WNT7B: variants seen among roughly 807,000 people sequenced by gnomAD.
WNT7B encodes the protein Wnt family member 7B, also known as protein Wnt-7b.
In WNT7B, 19 loss-of-function variants were observed where a neutral mutation model predicts 38.2. That is an observed-to-expected ratio of 0.50 (90% CI 0.35 to 0.73). The LOEUF (loss-of-function observed/expected upper bound fraction) is 0.73. Ranked by LOEUF, WNT7B falls within the 30% of genes least tolerant of loss-of-function variation. The pLI is 0.01. For synonymous variants in WNT7B, 243 were observed against 209.3 expected (o/e 1.16, Z -1.39); for missense variants, 423 against 507.9 (o/e 0.83, Z 1.61).
chr22:45,925,278 G>A (rs1343558375), intron 3 of WNT7B: 2 of 985,266 alleles, frequency 2.0e-6, no homozygotes, highest in Non-Finnish European at 2.4e-6. Context: ...TGCCGGGTGG[G>A]CCCTAGGCTG....
intron 2 of WNT7B, among the ~76,000 whole-genome samples, chr22:45,941,467 C>T (rs1268436471): frequency 3.4e-5 from 5 of 148,414 alleles, no homozygotes; most frequent in Admixed American, 1.4e-4. Flanking sequence ...GCTGAGATCG[C>T]GTCAGTGCAC....
chr22:45,932,414 A>C (rs1284719686), intron 2 of WNT7B, among the ~76,000 whole-genome samples: 1 of 141,830 alleles, frequency 7.1e-6, no homozygotes, highest in Non-Finnish European at 1.5e-5. Context: ...CAGCCTTCCC[A>C]GACCCCCCCC....
chr22:45,954,418 C>T (rs542669663), intron 1 of WNT7B, among the ~76,000 whole-genome samples: 30 of 152,320 alleles, frequency 2.0e-4, no homozygotes, highest in African/African-American at 7.0e-4. Flanking sequence ...TTTTATTTTA[C>T]GTATTTTAAC....
intron 3 of WNT7B, among the ~76,000 whole-genome samples, chr22:45,928,102 A>C (rs1401264429): frequency 6.6e-6 from 1 of 152,160 alleles, no homozygotes; most frequent in African/African-American, 2.4e-5. Context: ...CCCAGAGCTG[A>C]GAGAGAACAG....
chr22:45,928,509 G>A (rs1396807998), intron 3 of WNT7B, among the ~76,000 whole-genome samples: 3 of 150,496 alleles, frequency 2.0e-5, no homozygotes, highest in South Asian at 2.1e-4. Context: ...CCGGCCATCC[G>A]AGACAAGGCT....
rs1569128252 is a variant in WNT7B, at chr22:45,975,361, C to T, written c.71+1323G>A. Reference sequence around the variant, plus strand: ...CCAGCAGGCTCAATGCCCCGCACCCCTCACCTCCATAAACAAACACCCAGG... The same window carrying T: ...CCAGCAGGCTCAATGCCCCGCACCCTTCACCTCCATAAACAAACACCCAGG... On this transcript the variant is annotated intron_variant, in intron 1 of 3. Transcript: ENST00000339464. The surrounding 1 kb of genome is among the most constrained non-coding windows in gnomAD (Gnocchi z 6.6). Among the ~76,000 whole-genome samples, 1 of 152,122 alleles carries T rather than the reference C, an allele frequency of 6.6e-6. No homozygotes were observed. Among genetic ancestry groups the T allele is most frequent in the Non-Finnish European group, 1.5e-5 (1 of 68,018 alleles).
chr22:45,948,560 A>G (rs923899794), intron 2 of WNT7B, among the ~76,000 whole-genome samples: 1 of 151,980 alleles, frequency 6.6e-6, no homozygotes, highest in African/African-American at 2.4e-5. Context: ...TGGGCTGGGC[A>G]CCCCTGCAAG....
chr22:45,947,428 G>T (rs1371932843), intron 2 of WNT7B, among the ~76,000 whole-genome samples: 2 of 152,256 alleles, frequency 1.3e-5, no homozygotes, highest in Admixed American at 6.5e-5. Context: ...ATGGGGAAAT[G>T]ATACCAGGTT....
At chr22:45,940,779 C>T (rs768839733) in intron 2 of WNT7B, among the ~76,000 whole-genome samples, 2 of 152,172 alleles carry the variant, frequency 1.3e-5, no homozygotes, top group Non-Finnish European at 2.9e-5. Context: ...ATGAGTGCTC[C>T]TCTCAGGAAG....
intron 1 of WNT7B, among the ~76,000 whole-genome samples, chr22:45,953,328 C>T (rs1931982549): frequency 1.3e-5 from 2 of 152,050 alleles, no homozygotes; most frequent in Non-Finnish European, 1.5e-5. Context: ...CTTCCCCTCA[C>T]AGTCACCATG....
intron 1 of WNT7B, among the ~76,000 whole-genome samples, chr22:45,957,793 G>A (rs963896148): frequency 1.3e-5 from 2 of 151,888 alleles, no homozygotes; most frequent in Non-Finnish European, 2.9e-5. Context: ...CCGCACGGGG[G>A]GTGCTAGCCC....
intron 1 of WNT7B, among the ~76,000 whole-genome samples, chr22:45,969,738 T>A (rs1214430697): frequency 6.6e-6 from 1 of 152,106 alleles, no homozygotes; most frequent in African/African-American, 2.4e-5. Flanking sequence ...GCAGTCCAGA[T>A]GAAAGGGGGA....
chr22:45,939,087 C>T (rs1163616707), intron 2 of WNT7B, among the ~76,000 whole-genome samples: 1 of 152,068 alleles, frequency 6.6e-6, no homozygotes, highest in African/African-American at 2.4e-5. Flanking sequence ...GAATAAAAGG[C>T]AAAAAAGACT....
intron 3 of WNT7B, among the ~76,000 whole-genome samples, chr22:45,927,769 G>A (rs560610427): frequency 6.6e-6 from 1 of 152,204 alleles, no homozygotes. Context: ...AGTGGCACAC[G>A]CCTGTAATCC....
At chr22:45,929,636 GCATCCACT>G (rs1410581311) in intron 3 of WNT7B, among the ~76,000 whole-genome samples, 32 of 76,806 alleles carry the variant, frequency 4.2e-4, no homozygotes, top group African/African-American at 1.5e-3. Context: ...TTCCATCCAT[GCATCCACT>G]CATCCATCCT....
At chr22:45,941,694 C>G (rs1931652410) in intron 2 of WNT7B, among the ~76,000 whole-genome samples, 1 of 152,070 alleles carries the variant, frequency 6.6e-6, no homozygotes, top group African/African-American at 2.4e-5. Context: ...GGTGGGAACT[C>G]AAGCCTGGCC....
intron 3 of WNT7B, among the ~76,000 whole-genome samples, chr22:45,930,268 G>A (rs918431597): frequency 6.6e-6 from 1 of 152,258 alleles, no homozygotes; most frequent in African/African-American, 2.4e-5. Flanking sequence ...AGTGACCAGT[G>A]GCCTCAGCTA....
chr22:45,925,939 GC>G (rs1468642828), intron 3 of WNT7B: 2 of 985,220 alleles, frequency 2.0e-6, no homozygotes, highest in Non-Finnish European at 2.4e-6. Flanking sequence ...CAGGATGGCT[GC>G]CCCTGGTACT....
At chr22:45,959,323 C>T (rs1932142588) in intron 1 of WNT7B, among the ~76,000 whole-genome samples, 1 of 152,150 alleles carries the variant, frequency 6.6e-6, no homozygotes, top group Non-Finnish European at 1.5e-5. Context: ...AGCTTGCACC[C>T]CCACTTCACA....
Sources: gnomAD v4.1 joint callset for allele counts (sites outside exome capture counted in the v4.1 genomes callset) on GRCh38, gnomAD v4.1.1 for gene constraint, Gnocchi (gnomAD v3.1) non-coding constraint, MANE v1.5 for transcripts, NCBI Gene and HGNC (gene_info 2026-07-23, HGNC 2026-07-21) for gene names.